SMG6: variants seen among roughly 807,000 people sequenced by gnomAD.
SMG6 encodes SMG6 nonsense mediated mRNA decay factor, also known as telomerase-binding protein EST1A.
Under a neutral mutation model 142.2 loss-of-function variants are expected in SMG6, and 66 were observed. The observed-to-expected ratio is 0.46, with a 90% CI of 0.38 to 0.57. SMG6 has a LOEUF of 0.57. Among genes scored for constraint, SMG6 ranks in the 20% least tolerant of loss-of-function variants. The pLI, the probability that SMG6 is intolerant of heterozygous loss-of-function variation, is 0.00. For missense variants in SMG6, 1,793 were observed against 1,832.0 expected (o/e 0.98, Z 0.39); for synonymous variants, 779 against 702.4 (o/e 1.11, Z -1.72).
At chr17:2,146,176 G>C (rs2070662705) in intron 13 of SMG6, among the ~76,000 whole-genome samples, 1 of 152,192 alleles carries the variant, frequency 6.6e-6, no homozygotes, top group South Asian at 2.1e-4. Context: ...AGTGAAGCAT[G>C]TGGAAGCATG....
chr17:2,270,386 G>A (rs929240516), intron 8 of SMG6, among the ~76,000 whole-genome samples: 2 of 152,036 alleles, frequency 1.3e-5, no homozygotes, highest in Non-Finnish European at 2.9e-5. Context: ...GAGGTGGGAG[G>A]ATCACTTGAG....
intron 10 of SMG6, among the ~76,000 whole-genome samples, chr17:2,220,104 G>T (rs2073131867): frequency 6.6e-6 from 1 of 151,986 alleles, no homozygotes; most frequent in African/African-American, 2.4e-5. Flanking sequence ...GTATTTTTTT[G>T]TAGAGATGGG....
intron 7 of SMG6, 70 bp downstream of exon 7, chr17:2,283,555 C>T: frequency 1.6e-6 from 2 of 1,248,238 alleles, no homozygotes; most frequent in Admixed American, 3.4e-5. Context: ...GTGCGCAGAG[C>T]TAGGGCACAC....
At chr17:2,105,267 C>T (rs905095038) in intron 13 of SMG6, among the ~76,000 whole-genome samples, 7 of 150,108 alleles carry the variant, frequency 4.7e-5, no homozygotes, top group Admixed American at 2.7e-4. Flanking sequence ...TACACTCAGC[C>T]GGGCGTGGTG....
At chr17:2,112,782 G>C (rs1389310666) in intron 13 of SMG6, among the ~76,000 whole-genome samples, 7 of 135,644 alleles carry the variant, frequency 5.2e-5, no homozygotes. Context: ...TTTTGAGACA[G>C]ACTCTCACTC....
At chr17:2,162,059 ATC>A (rs1390258189) in intron 13 of SMG6, among the ~76,000 whole-genome samples, 2 of 152,236 alleles carry the variant, frequency 1.3e-5, no homozygotes, top group African/African-American at 4.8e-5. Flanking sequence ...CCTATAAAAC[ATC>A]TAATGATTGA....
At chr17:2,067,193 A>C (rs964718702) in intron 16 of SMG6, among the ~76,000 whole-genome samples, 1 of 152,062 alleles carries the variant, frequency 6.6e-6, no homozygotes, top group Non-Finnish European at 1.5e-5. Context: ...GGGTTTTCTC[A>C]TGCGTTTGCT....
intron 12 of SMG6, among the ~76,000 whole-genome samples, chr17:2,182,631 G>A (rs904858252): frequency 3.3e-5 from 5 of 152,100 alleles, no homozygotes; most frequent in African/African-American, 1.2e-4. Context: ...CATGAGTCTA[G>A]GAGACTCACA....
At chr17:2,287,116 A>G (rs1030188353) in intron 6 of SMG6, among the ~76,000 whole-genome samples, 4 of 152,114 alleles carry the variant, frequency 2.6e-5, no homozygotes, top group Admixed American at 1.3e-4. Flanking sequence ...TATTTTTAGT[A>G]GAGACGGGGT....
In SMG6 at chr17:2,244,855, G is replaced by A. The variant is rs1458310893; in HGVS notation, c.2662-136C>T. ...CTAGGGATGGGAACCAAATGGACAT[G>A]CCCAAACTCTCACAGACCCAGGGCA... On this transcript the variant is annotated intron_variant, in intron 8 of 18. Transcript: ENST00000263073. 8.6e-6 allele frequency: 6 copies of A among 695,710 alleles called. No homozygotes were observed. The Admixed American group carries it at 1.1e-4, about 13-fold the overall frequency. The allele number at this position is 695,710 out of a possible 1,614,324, so 43.1% of individuals were successfully genotyped here.
At chr17:2,192,197 C>A (rs1054248044) in intron 10 of SMG6, among the ~76,000 whole-genome samples, 1 of 152,192 alleles carries the variant, frequency 6.6e-6, no homozygotes, top group Non-Finnish European at 1.5e-5. Flanking sequence ...CCCTCTAAGC[C>A]GAGCCAAGGG....
At chr17:2,204,733 T>C (rs1449659723) in intron 10 of SMG6, among the ~76,000 whole-genome samples, 2 of 152,150 alleles carry the variant, frequency 1.3e-5, no homozygotes, top group Non-Finnish European at 2.9e-5. Context: ...GGATGCGAGG[T>C]AGGCGAATCA....
intron 15 of SMG6, among the ~76,000 whole-genome samples, chr17:2,077,127 T>C (rs1221166989): frequency 6.6e-6 from 1 of 152,232 alleles, no homozygotes; most frequent in East Asian, 1.9e-4. Flanking sequence ...TCAAGGACTC[T>C]ACCACACTGT....
chr17:2,293,095 CAAAGTAT>C, intron 4 of SMG6, 118 bp from the exon 5 acceptor site: 1 of 719,210 alleles, frequency 1.4e-6, no homozygotes, highest in Non-Finnish European at 2.4e-6. Context: ...CGGTCCTCAA[CAAAGTAT>C]AAAGTTTTTA....
intron 8 of SMG6, among the ~76,000 whole-genome samples, chr17:2,253,550 C>T (rs2074097075): frequency 6.6e-6 from 1 of 152,292 alleles, no homozygotes; most frequent in South Asian, 2.1e-4. Flanking sequence ...GTACTGGAAA[C>T]AGTCACGATT....
intron 13 of SMG6, among the ~76,000 whole-genome samples, chr17:2,120,751 G>A (rs933922496): frequency 6.6e-5 from 10 of 152,116 alleles, no homozygotes; most frequent in Admixed American, 6.6e-4. Flanking sequence ...AACTTCATTA[G>A]TCATCAGGGA....
At chr17:2,061,781 C>G (rs1280354514) in intron 18 of SMG6, 159 bp from the exon 19 acceptor site, 2 of 827,528 alleles carry the variant, frequency 2.4e-6, no homozygotes, top group East Asian at 2.8e-5. Context: ...CTCTCAGCCC[C>G]GGGGACCCTC....
intron 1 of SMG6, among the ~76,000 whole-genome samples, chr17:2,301,869 C>T (rs1052266246): frequency 6.6e-6 from 1 of 152,018 alleles, no homozygotes; most frequent in African/African-American, 2.4e-5. Context: ...TATCTGTTAC[C>T]GTTATCAAAA....
chr17:2,259,236 T>TG (rs2074260028), intron 8 of SMG6, among the ~76,000 whole-genome samples: 1 of 151,342 alleles, frequency 6.6e-6, no homozygotes. Flanking sequence ...AGAGAAGTCT[T>TG]GGAGATTAAG....
Sources: gnomAD v4.1 joint callset for allele counts (sites outside exome capture counted in the v4.1 genomes callset) on GRCh38, gnomAD v4.1.1 for gene constraint, MANE v1.5 for transcripts, NCBI Gene and HGNC (gene_info 2026-07-23, HGNC 2026-07-21) for gene names.